The following HUNK variants were observed in gnomAD, a reference collection of about 807,000 sequenced individuals.
HUNK encodes hormonally up-regulated neu tumor-associated kinase.
HUNK carries 21 observed loss-of-function variants against 61.0 expected under a neutral mutation model. The ratio of observed to expected loss-of-function variants is 0.34; its 90% CI spans 0.24 to 0.50. The LOEUF is 0.50. Ranked by LOEUF, HUNK falls within the 20% of genes least tolerant of loss-of-function variation. The pLI is 0.98. For synonymous variants in HUNK, 371 were observed against 386.1 expected (o/e 0.96, Z 0.46); for missense variants, 772 against 945.7 (o/e 0.82, Z 2.41).
At chr21:31,898,756 A>G (rs1374324675) in intron 1 of HUNK, among the ~76,000 whole-genome samples, 2 of 152,082 alleles carry the variant, frequency 1.3e-5, no homozygotes, top group African/African-American at 2.4e-5. Context: ...GTAAGGAGAG[A>G]GGATGATTAA....
At chr21:31,898,630 C>A (rs1171570279) in intron 1 of HUNK, among the ~76,000 whole-genome samples, 1 of 152,130 alleles carries the variant, frequency 6.6e-6, no homozygotes, top group African/African-American at 2.4e-5. Flanking sequence ...CACTTTTCTT[C>A]TCGACCCTGG....
intron 6 of HUNK, among the ~76,000 whole-genome samples, chr21:31,969,172 C>T (rs760050521): frequency 6.6e-6 from 1 of 151,982 alleles, no homozygotes; most frequent in Non-Finnish European, 1.5e-5. Flanking sequence ...CCAACGTGCC[C>T]GGCCAGTCCT....
chr21:31,965,598 T>TC (rs1181364534), intron 5 of HUNK, among the ~76,000 whole-genome samples: 9 of 148,606 alleles, frequency 6.1e-5, no homozygotes, highest in East Asian at 1.9e-4. Flanking sequence ...GTTTTTCTTT[T>TC]TTTTTTTTTT....
At chr21:31,968,153 G>A in intron 5 of HUNK, 97 bp from the exon 6 acceptor site, 2 of 1,436,646 alleles carry the variant, frequency 1.4e-6, no homozygotes, top group Non-Finnish European at 1.9e-6. Flanking sequence ...GACTCGGGAT[G>A]GGCAGGCAAG....
intron 8 of HUNK, among the ~76,000 whole-genome samples, chr21:31,988,800 T>TCTCCTCTCCCCTCGCTTCCTC (rs1355898362): frequency 6.8e-6 from 1 of 147,194 alleles, no homozygotes; most frequent in Admixed American, 6.9e-5. Flanking sequence ...CTGCCTTCCC[T>TCTCCTCTCCCCTCGCTTCCTC]CTCCTCTCCC....
At chr21:31,974,776 C>T (rs2053037185) in intron 7 of HUNK, 59 bp downstream of exon 7, 2 of 1,470,378 alleles carry the variant, frequency 1.4e-6, no homozygotes, top group Admixed American at 2.3e-5. Context: ...AGCTCCTACA[C>T]CCAAAGTGCT....
intron 6 of HUNK, among the ~76,000 whole-genome samples, chr21:31,971,245 T>C (rs1601404376): frequency 1.3e-5 from 2 of 152,054 alleles, no homozygotes; most frequent in South Asian, 4.2e-4. Flanking sequence ...CTAGTTTTTG[T>C]ATTTTTAGTA....
intron 1 of HUNK, among the ~76,000 whole-genome samples, chr21:31,914,941 A>C (rs1478709927): frequency 1.3e-5 from 2 of 152,132 alleles, no homozygotes; most frequent in Non-Finnish European, 1.5e-5. Context: ...CATGACAAAG[A>C]ATCTGAATTA....
chr21:31,989,814 C>G (rs1601412612), intron 8 of HUNK, among the ~76,000 whole-genome samples: 1 of 150,764 alleles, frequency 6.6e-6, no homozygotes, highest in East Asian at 2.0e-4. Context: ...TGGCTGTGTT[C>G]TGTTTTTTGA....
intron 1 of HUNK, among the ~76,000 whole-genome samples, chr21:31,914,886 CT>C (rs1261637110): frequency 6.6e-6 from 1 of 152,124 alleles, no homozygotes; most frequent in Non-Finnish European, 1.5e-5. Flanking sequence ...GGGGTTAGGG[CT>C]TCAACATACG....
At chr21:31,986,001 T>C (rs1057273586) in intron 8 of HUNK, among the ~76,000 whole-genome samples, 4 of 152,008 alleles carry the variant, frequency 2.6e-5, no homozygotes, top group African/African-American at 7.3e-5. Flanking sequence ...ACAAGCCCTT[T>C]GGAAGGTGGG....
intron 2 of HUNK, among the ~76,000 whole-genome samples, chr21:31,931,692 G>A (rs946423025): frequency 4.6e-5 from 7 of 152,052 alleles, no homozygotes; most frequent in East Asian, 3.9e-4. Flanking sequence ...GTTCTGCCAC[G>A]TCTCACGCTC....
At chr21:31,979,512 A>ATT (rs1568940203) in intron 7 of HUNK, among the ~76,000 whole-genome samples, 2 of 99,506 alleles carry the variant, frequency 2.0e-5, no homozygotes, top group Admixed American at 1.1e-4. Flanking sequence ...AGTTGTTTGC[A>ATT]TTCTTTTTTT....
intron 1 of HUNK, among the ~76,000 whole-genome samples, chr21:31,911,254 A>G (rs2123806291): frequency 6.6e-6 from 1 of 152,350 alleles, no homozygotes; most frequent in East Asian, 1.9e-4. Context: ...AGCGTCAGGC[A>G]GATTCCATGC....
At chr21:31,992,689 C>G (rs920202925) in intron 9 of HUNK, among the ~76,000 whole-genome samples, 17 of 152,206 alleles carry the variant, frequency 1.1e-4, no homozygotes, top group African/African-American at 4.1e-4. Flanking sequence ...AGGTGATAGT[C>G]CCTCTGAAGA....
chr21:31,930,345 C>G (rs1321935078), intron 2 of HUNK, among the ~76,000 whole-genome samples: 2 of 152,210 alleles, frequency 1.3e-5, no homozygotes, highest in African/African-American at 2.4e-5. Context: ...AGTCCATGTT[C>G]TCTGTAATTA....
intron 7 of HUNK, among the ~76,000 whole-genome samples, chr21:31,976,247 G>T (rs558139878): frequency 6.6e-4 from 101 of 152,182 alleles, no homozygotes; most frequent in African/African-American, 2.3e-3. Flanking sequence ...CTCATAGAAA[G>T]CTACTGGAGA....
intron 1 of HUNK, among the ~76,000 whole-genome samples, chr21:31,917,029 C>A (rs1040050649): frequency 6.6e-6 from 1 of 152,098 alleles, no homozygotes; most frequent in African/African-American, 2.4e-5. Flanking sequence ...ATCTCTGTAG[C>A]TGCTGCTAGT....
At chr21:31,927,764 G>A (rs530791099) in intron 2 of HUNK, among the ~76,000 whole-genome samples, 3 of 152,240 alleles carry the variant, frequency 2.0e-5, no homozygotes, top group Admixed American at 6.5e-5. Flanking sequence ...GATTGGTGCC[G>A]TGGGATGCTC....
Sources: gnomAD v4.1 joint callset for allele counts (sites outside exome capture counted in the v4.1 genomes callset) on GRCh38, gnomAD v4.1.1 for gene constraint, MANE v1.5 for transcripts, NCBI Gene and HGNC (gene_info 2026-07-23, HGNC 2026-07-21) for gene names.